Variants in MAP3K4 observed in about 807,000 individuals in gnomAD.
MAP3K4 encodes MAP three kinase 1.
A neutral mutation model predicts 185.6 loss-of-function variants in MAP3K4; 67 were observed. The ratio of observed to expected loss-of-function variants is 0.36; its 90% CI spans 0.30 to 0.44. MAP3K4 has a LOEUF of 0.44. MAP3K4 is among the 20% of genes least tolerant of loss of function. The pLI, the probability that MAP3K4 is intolerant of heterozygous loss-of-function variation, is 1.00. For synonymous variants in MAP3K4, 702 were observed against 710.4 expected (o/e 0.99, Z 0.19); for missense variants, 1,551 against 1,995.1 (o/e 0.78, Z 4.24).
rs538892525 is a variant in MAP3K4, at chr6:161,117,243, T to C, written c.*373T>C. On this transcript the variant is annotated 3_prime_UTR_variant, in exon 27 of 27. Coordinates refer to ENST00000392142, the MANE Select transcript of MAP3K4 (RefSeq NM_005922.4). ...GTCCCATACCTTGTTTTTAATCTCC[T>C]GTTTGTTGAGTGCACTGACTGTGAA... is the stretch of plus-strand genomic sequence containing the variant. The C allele has an allele frequency of 5.2e-4, 103 of 199,610 alleles. No homozygotes were observed. Among genetic ancestry groups the C allele is most frequent in the Admixed American group, 6.0e-4 (10 of 16,806 alleles). 12.4% of individuals were successfully genotyped at this position (199,610 alleles called of 1,614,324 possible). A position where few individuals can be genotyped will look rare whatever the true frequency, so the allele number is the denominator to read the frequency against.
chr6:161,043,958 A>G lies in MAP3K4; in HGVS notation c.344-4658A>G, dbSNP rs9456614. 0.029 allele frequency among the ~76,000 whole-genome samples: 4,404 copies of G among 152,292 alleles called. 153 individuals are homozygous for G. Among genetic ancestry groups the G allele is most frequent in the African/African-American group, 0.079 (3,268 of 41,554 alleles). On this transcript the variant is annotated intron_variant, in intron 2 of 26. Coordinates refer to ENST00000392142, the MANE Select transcript of MAP3K4 (RefSeq NM_005922.4). The surrounding 1 kb of genome is among the most constrained non-coding windows in gnomAD (Gnocchi z 4.3). ...GTTTGATTAAAAATACAATTAATAC[A>G]TATTCTAAAGAGCCATTTTTAGTTG...
intron 7 of MAP3K4, among the ~76,000 whole-genome samples, chr6:161,085,294 A>C (rs1785654364): frequency 1.3e-5 from 2 of 152,210 alleles, no homozygotes; most frequent in Non-Finnish European, 1.5e-5. Flanking sequence ...TTTTAATGAC[A>C]TTTGGTACAT....
chr6:161,091,316 A>G lies in MAP3K4; in HGVS notation c.2974-63A>G. 7.3e-7 allele frequency: 1 copy of G among 1,368,472 alleles called. No homozygotes were observed. Among genetic ancestry groups the G allele is most frequent in the Non-Finnish European group, 9.9e-7 (1 of 1,006,546 alleles). The allele number at this position is 1,368,472 out of a possible 1,614,324, so 84.8% of individuals were successfully genotyped here. A position where few individuals can be genotyped will look rare whatever the true frequency, so the allele number is the denominator to read the frequency against. ...GTGATGATGAACGAAATCTTCCTTT[A>G]AAATGTGGTAAGTATTGTATGATTT... On this transcript the variant is annotated intron_variant, in intron 11 of 26. Coordinates refer to ENST00000392142, the MANE Select transcript of MAP3K4 (RefSeq NM_005922.4). The surrounding 1 kb of genome is among the most constrained non-coding windows in gnomAD (Gnocchi z 5.5).
At position 161,106,323 on chromosome 6, in the gene MAP3K4, A is replaced by G. The variant is rs1027845226; in HGVS notation, c.3857-191A>G. On this transcript the variant is annotated intron_variant, in intron 19 of 26. Coordinates refer to ENST00000392142, the MANE Select transcript of MAP3K4 (RefSeq NM_005922.4). This position sits in a 1 kb window ranked among gnomAD's most constrained non-coding sequence, Gnocchi z 4.9. The stretch of plus-strand genomic sequence containing the variant: ...AGCTTATATTTTATGTGTGTACTGT[A>G]TAAGGGGTGGCATATGCTGGAATGA... 9.9e-5 allele frequency among the ~76,000 whole-genome samples: 15 copies of G among 152,204 alleles called. No individual in the cohort carries two copies. Among genetic ancestry groups the G allele is most frequent in the African/African-American group, 3.6e-4 (15 of 41,450 alleles).
At chr6:161,013,977 G>A (rs1781967063) in intron 1 of MAP3K4, among the ~76,000 whole-genome samples, 1 of 152,170 alleles carries the variant, frequency 6.6e-6, no homozygotes, top group Non-Finnish European at 1.5e-5. Flanking sequence ...TTGGTCTGGT[G>A]TCTGAACCCT....
At chr6:161,059,294 C>T (rs1784385771) in intron 3 of MAP3K4, among the ~76,000 whole-genome samples, 1 of 152,052 alleles carries the variant, frequency 6.6e-6, no homozygotes, top group Non-Finnish European at 1.5e-5. Context: ...TGCAACCACA[C>T]CTGGCTAATT....
Position 161,116,018 on chromosome 6 carries a change from A to G in MAP3K4, c.4806+716A>G, listed in dbSNP as rs545298324. Among the ~76,000 whole-genome samples, 3 of 152,324 alleles carry G rather than the reference A, an allele frequency of 2.0e-5. No individual in the cohort carries two copies. The highest frequency in any genetic ancestry group is 2.1e-4 in the South Asian group (1 of 4,834). On this transcript the variant is annotated intron_variant, in intron 26 of 26. Transcript: ENST00000392142. This position sits in a 1 kb window ranked among gnomAD's most constrained non-coding sequence, Gnocchi z 6.2. Reference sequence around the variant, plus strand: ...AATTGAGAAGGTTCTGATACAGCCAAGGGGTTGGGAGAGGGCGTTCCGGGT... The same window carrying G: ...AATTGAGAAGGTTCTGATACAGCCAGGGGGTTGGGAGAGGGCGTTCCGGGT...
chr6:161,089,598 C>A, intron 11 of MAP3K4, 127 bp downstream of exon 11: 2 of 835,872 alleles, frequency 2.4e-6, no homozygotes, highest in Non-Finnish European at 3.6e-6. Flanking sequence ...ACTCACCTCT[C>A]TTCCCAATAC....
In MAP3K4 at chr6:161,098,557, G is replaced by A; in HGVS notation, c.3674+130G>A. ...CTGTGGCGTGTGAGTGATGCTCTAG[G>A]GCCTTCCGCAGGTTGTCACGGCCCA... is the stretch of plus-strand genomic sequence containing the variant. On this transcript the variant is annotated intron_variant, in intron 17 of 26. Coordinates refer to ENST00000392142, the MANE Select transcript of MAP3K4 (RefSeq NM_005922.4). The surrounding 1 kb of genome is among the most constrained non-coding windows in gnomAD (Gnocchi z 4.4). The A allele has an allele frequency of 9.1e-7, 1 of 1,094,980 alleles. No homozygotes were observed. The highest frequency in any genetic ancestry group is 1.6e-5 in the African/African-American group (1 of 62,708). 67.8% of individuals were successfully genotyped at this position (1,094,980 alleles called of 1,614,324 possible). A position where few individuals can be genotyped will look rare whatever the true frequency, so the allele number is the denominator to read the frequency against.
At position 161,076,791 on chromosome 6, in the gene MAP3K4, T is replaced by G. The variant is rs1253199537; in HGVS notation, c.2097+3179T>G. ...CAGGGAAGCTCTTAAGTTTTCATCC[T>G]ACAGATAATTATTGGGTATCCACTG... On this transcript the variant is annotated intron_variant, in intron 5 of 26. Transcript: ENST00000392142. The surrounding 1 kb of genome is among the most constrained non-coding windows in gnomAD (Gnocchi z 4.2). Among the ~76,000 whole-genome samples the G allele has an allele frequency of 6.6e-6, 1 of 152,342 alleles. No individual in the cohort carries two copies. Among genetic ancestry groups the G allele is most frequent in the East Asian group, 1.9e-4 (1 of 5,178 alleles).
At chr6:160,995,345 G>T (rs1249232418) in intron 1 of MAP3K4, among the ~76,000 whole-genome samples, 1 of 152,204 alleles carries the variant, frequency 6.6e-6, no homozygotes, top group African/African-American at 2.4e-5. Context: ...TGCCATCTTT[G>T]TCACATACTT....
In MAP3K4 at chr6:160,991,952, G is replaced by A. The variant is rs1583071573; in HGVS notation, c.21G>A (p.Ala7=). The change falls in exon 1 of 27, where the codon GCG becomes GCA. Residue 7 remains alanine, a synonymous_variant. Coordinates refer to ENST00000392142, the MANE Select transcript of MAP3K4 (RefSeq NM_005922.4). This position sits in a 1 kb window ranked among gnomAD's most constrained non-coding sequence, Gnocchi z 5.7. The part of the protein sequence containing the change: MREAAA[A]LVPPPAFAVT... Reference sequence around the variant, plus strand: ...CACGGATGAGAGAAGCCGCTGCCGCGCTGGTCCCTCCTCCCGCCTTTGCCG... The same window carrying A: ...CACGGATGAGAGAAGCCGCTGCCGCACTGGTCCCTCCTCCCGCCTTTGCCG... The A allele has an allele frequency of 1.3e-6, 2 of 1,544,008 alleles. No homozygotes were observed. Among genetic ancestry groups the A allele is most frequent in the East Asian group, 2.5e-5 (1 of 40,382 alleles).
rs1784501381 is a variant in MAP3K4 at position 161,061,939 on chromosome 6, A to T, written c.1708-8669A>T. Reference sequence around the variant, plus strand: ...TATGTGAAGTACTTGGTTTTACAAGAAAATCTAAATGTATTCTCAAAGAAG... The same window carrying T: ...TATGTGAAGTACTTGGTTTTACAAGTAAATCTAAATGTATTCTCAAAGAAG... On this transcript the variant is annotated intron_variant, in intron 3 of 26. Transcript: ENST00000392142. This position sits in a 1 kb window ranked among gnomAD's most constrained non-coding sequence, Gnocchi z 4.2. 6.6e-6 allele frequency among the ~76,000 whole-genome samples: 1 copy of T among 152,210 alleles called. No individual in the cohort carries two copies. Among genetic ancestry groups the T allele is most frequent in the African/African-American group, 2.4e-5 (1 of 41,456 alleles).
At chr6:161,111,411 C>G (rs1056045435) in intron 23 of MAP3K4, among the ~76,000 whole-genome samples, 2 of 152,230 alleles carry the variant, frequency 1.3e-5, no homozygotes, top group African/African-American at 4.8e-5. Flanking sequence ...AGGGCCTCAG[C>G]TGGGACTCTG....
chr6:161,012,816 G>T (rs1372597042), intron 1 of MAP3K4, among the ~76,000 whole-genome samples: 1 of 151,840 alleles, frequency 6.6e-6, no homozygotes, highest in Non-Finnish European at 1.5e-5. Context: ...GTGGGAGGAG[G>T]TCCTTTAGGC....
At chr6:161,069,431 G>C (rs907738886) in intron 3 of MAP3K4, among the ~76,000 whole-genome samples, 1 of 152,146 alleles carries the variant, frequency 6.6e-6, no homozygotes, top group Non-Finnish European at 1.5e-5. Context: ...CATGGGCAGC[G>C]AGGCTGGTGA....
intron 1 of MAP3K4, among the ~76,000 whole-genome samples, chr6:161,019,835 A>T (rs1034607244): frequency 6.6e-6 from 1 of 152,182 alleles, no homozygotes. Flanking sequence ...TTAACCATTT[A>T]AAAAAAATTT....
Position 161,043,333 on chromosome 6 carries a change from T to C in MAP3K4, c.344-5283T>C, listed in dbSNP as rs1783573970. 6.6e-6 allele frequency among the ~76,000 whole-genome samples: 1 copy of C among 152,222 alleles called. No individual in the cohort carries two copies. Among genetic ancestry groups the C allele is most frequent in the Non-Finnish European group, 1.5e-5 (1 of 68,030 alleles). ...GCTCTTGCCTTCTTTACTTCCCTTA[T>C]TTAAGCTTCCATTCTTCGAGGCCCC... On this transcript the variant is annotated intron_variant, in intron 2 of 26. Coordinates refer to ENST00000392142, the MANE Select transcript of MAP3K4 (RefSeq NM_005922.4). This position sits in a 1 kb window ranked among gnomAD's most constrained non-coding sequence, Gnocchi z 4.3.
In MAP3K4 at chr6:161,115,114, C is replaced by CT; in HGVS notation, c.4627-3dup. On this transcript the variant is annotated splice_polypyrimidine_tract_variant and intron_variant, in intron 25 of 26. Transcript: ENST00000392142. The surrounding 1 kb of genome is among the most constrained non-coding windows in gnomAD (Gnocchi z 6.0). ...TTAAAATCTGATTTTTTAAAAACATCTTTTTTAGAGGCCTTGGCATGAGTA... is the reference window on the plus strand; with the variant it reads ...TTAAAATCTGATTTTTTAAAAACATCTTTTTTTAGAGGCCTTGGCATGAGTA... The CT allele has an allele frequency of 6.3e-7, 1 of 1,590,926 alleles. No homozygotes were observed. The highest frequency in any genetic ancestry group is 8.6e-7 in the Non-Finnish European group (1 of 1,167,176).
Sources: gnomAD v4.1 joint callset for allele counts (sites outside exome capture counted in the v4.1 genomes callset) on GRCh38, gnomAD v4.1.1 for gene constraint, Gnocchi (gnomAD v3.1) non-coding constraint, MANE v1.5 for transcripts, NCBI Gene and HGNC (gene_info 2026-07-23, HGNC 2026-07-21) for gene names.